The following TSNAX variants were observed in gnomAD, a reference collection of about 807,000 sequenced individuals.
The protein encoded by TSNAX is translin associated factor X, also known as translin-associated protein X.
In TSNAX, 12 loss-of-function variants were observed where a neutral mutation model predicts 33.0. The observed-to-expected ratio is 0.36, with a 90% CI of 0.23 to 0.59. The LOEUF (loss-of-function observed/expected upper bound fraction) is 0.59. TSNAX is among the 20% of genes least tolerant of loss of function. The pLI, the probability that TSNAX is intolerant of heterozygous loss-of-function variation, is 0.74. For synonymous variants in TSNAX, 110 were observed against 117.2 expected, an observed-to-expected ratio of 0.94 and a Z score of 0.40; for missense variants, 267 against 341.3, an observed-to-expected ratio of 0.78 and a Z score of 1.72.
intron 4 of TSNAX, among the ~76,000 whole-genome samples, chr1:231,560,135 A>G (rs563917889): frequency 2.0e-5 from 3 of 151,060 alleles, no homozygotes; most frequent in East Asian, 2.0e-4. Context: ...GCCCGCCACC[A>G]CGCCCGGCTA....
intron 5 of TSNAX, among the ~76,000 whole-genome samples, chr1:231,564,159 G>C (rs1263601275): frequency 6.6e-6 from 1 of 152,076 alleles, no homozygotes; most frequent in Non-Finnish European, 1.5e-5. Context: ...AAACTTGGAG[G>C]GCTGTATGGT....
At chr1:231,529,494 C>T in intron 2 of TSNAX, 135 bp downstream of exon 2, 1 of 787,486 alleles carries the variant, frequency 1.3e-6, no homozygotes, top group Non-Finnish European at 2.0e-6. Context: ...CTAGATGTAC[C>T]CTAAAAGTCT....
chr1:231,555,348 G>A (rs1179226112), intron 4 of TSNAX, among the ~76,000 whole-genome samples: 1 of 152,150 alleles, frequency 6.6e-6, no homozygotes, highest in Non-Finnish European at 1.5e-5. Context: ...GGTACCCAGA[G>A]TAGTCAAAAT....
At chr1:231,561,709 A>G (rs996294074) in intron 5 of TSNAX, among the ~76,000 whole-genome samples, 3 of 152,316 alleles carry the variant, frequency 2.0e-5, no homozygotes, top group Admixed American at 6.5e-5. Context: ...TTTTGAATCC[A>G]AGCCTGTGCC....
intron 2 of TSNAX, 21 bp from the exon 3 acceptor site, chr1:231,537,192 A>G (rs1392157765): frequency 1.3e-6 from 2 of 1,538,658 alleles, no homozygotes; most frequent in African/African-American, 1.4e-5. Context: ...ATACATGCTT[A>G]TGATCATAAT....
chr1:231,528,793 A>C lies in TSNAX; in HGVS notation c.-18A>C, dbSNP rs773985137. 5.6e-6 allele frequency: 9 copies of C among 1,613,884 alleles called. No homozygotes were observed. The highest frequency in any genetic ancestry group is 1.1e-5 in the South Asian group (1 of 91,088). On this transcript the variant is annotated 5_prime_UTR_variant, in exon 1 of 6. Transcript: ENST00000366639. Reference sequence around the variant, plus strand: ...AGGTCCTTCAGTCTCCGCTCGTCTCACCGTAGGCTGTGACGACATGAGCAA... The same window carrying C: ...AGGTCCTTCAGTCTCCGCTCGTCTCCCCGTAGGCTGTGACGACATGAGCAA...
chr1:231,561,611 A>G (rs564543982), intron 5 of TSNAX, among the ~76,000 whole-genome samples: 1 of 152,280 alleles, frequency 6.6e-6, no homozygotes, highest in East Asian at 1.9e-4. Flanking sequence ...CATTTTACAG[A>G]GAAAGAAACA....
chr1:231,537,720 G>A (rs573121700), intron 3 of TSNAX, among the ~76,000 whole-genome samples: 14 of 143,560 alleles, frequency 9.8e-5, no homozygotes, highest in African/African-American at 2.9e-4. Context: ...TAGCCTGGGC[G>A]ACTAAGCCAG....
chr1:231,547,371 G>C (rs950306975), intron 4 of TSNAX, among the ~76,000 whole-genome samples: 1 of 147,990 alleles, frequency 6.8e-6, no homozygotes, highest in Non-Finnish European at 1.5e-5. Context: ...AAAGCTAAAG[G>C]CTTTTTCTTT....
At chr1:231,536,043 C>A (rs1453955294) in intron 2 of TSNAX, 1 of 152,176 alleles carries the variant, frequency 6.6e-6, no homozygotes, top group Non-Finnish European at 1.5e-5. Context: ...CAGTTCTCTT[C>A]CTAGATTTCT....
At chr1:231,560,874 G>A (rs1661066911) in intron 4 of TSNAX, among the ~76,000 whole-genome samples, 1 of 152,018 alleles carries the variant, frequency 6.6e-6, no homozygotes, top group Admixed American at 6.6e-5. Context: ...TGGCCAGGCT[G>A]GTCTCCATCT....
chr1:231,545,381 A>C (rs921169050), intron 4 of TSNAX, among the ~76,000 whole-genome samples: 3 of 152,216 alleles, frequency 2.0e-5, no homozygotes, highest in Non-Finnish European at 4.4e-5. Context: ...TACTTGTGTG[A>C]GCTCAAACAT....
intron 4 of TSNAX, among the ~76,000 whole-genome samples, chr1:231,549,251 C>G (rs1210700735): frequency 6.6e-6 from 1 of 152,086 alleles, no homozygotes; most frequent in African/African-American, 2.4e-5. Context: ...CGAGACCAGC[C>G]TGACCAAAGT....
At chr1:231,556,983 TA>T (rs36079821) in intron 4 of TSNAX, among the ~76,000 whole-genome samples, 68,755 of 151,926 alleles carry the variant, frequency 0.45, 17,223 homozygotes, top group African/African-American at 0.68. Context: ...ATGATGTCGT[TA>T]ACATATTAAA....
At chr1:231,544,276 A>G (rs12064885) in intron 4 of TSNAX, among the ~76,000 whole-genome samples, 1,983 of 152,326 alleles carry the variant, frequency 0.013, 35 homozygotes, top group African/African-American at 0.045. Flanking sequence ...TAAGTATCCT[A>G]TTAACCTGAA....
rs572822041 is a variant in TSNAX at position 231,545,219 on chromosome 1, C to A, written c.367+2608C>A. 3.3e-5 allele frequency among the ~76,000 whole-genome samples: 5 copies of A among 152,288 alleles called. No homozygotes were observed. The East Asian group carries it at 9.6e-4, about 29-fold the overall frequency. ...TATGATGCTTATGAATAGCTTGCTG[C>A]TTGTAATTGTTAAATGCTTGTTTTG... On this transcript the variant is annotated intron_variant, in intron 4 of 5. Transcript: ENST00000366639.
At chr1:231,556,243 TCAACTAGGTA>T (rs1414807145) in intron 4 of TSNAX, among the ~76,000 whole-genome samples, 2 of 152,174 alleles carry the variant, frequency 1.3e-5, no homozygotes, top group African/African-American at 4.8e-5. Context: ...ATTAGTAAAA[TCAACTAGGTA>T]CAACTAAATG....
Position 231,564,886 on chromosome 1 carries a change from A to G in TSNAX, c.854A>G (p.Gln285Arg). The part of the protein sequence containing the change: ...VFSVKTEMID[Q>R]EEGIS ...TCAGTTAAAACAGAAATGATAGATC[A>G]AGAAGAGGGCATTTCTTAGAATCTA... Residue 285 changes from glutamine to arginine, a missense_variant, in exon 6 of 6, where the codon CAA becomes CGA. Transcript: ENST00000366639. 1 of 1,613,764 alleles carries G rather than the reference A, an allele frequency of 6.2e-7. No homozygotes were observed. The highest frequency in any genetic ancestry group is 1.1e-5 in the South Asian group (1 of 91,066).
At chr1:231,538,153 A>AT (rs1417386817) in intron 3 of TSNAX, among the ~76,000 whole-genome samples, 1 of 151,914 alleles carries the variant, frequency 6.6e-6, no homozygotes, top group Admixed American at 6.6e-5. Flanking sequence ...TTTTGTTTAC[A>AT]TTTTTTTCTC....
Sources: allele counts gnomAD v4.1 joint callset (sites outside exome capture counted in the v4.1 genomes callset), GRCh38; gene constraint gnomAD v4.1.1; transcripts MANE v1.5; gene names NCBI Gene and HGNC (gene_info 2026-07-23, HGNC 2026-07-21).